DDAH1: variants seen among roughly 807,000 people sequenced by gnomAD.
DDAH1 encodes the protein N(G),N(G)-dimethylarginine dimethylaminohydrolase 1.
Under a neutral mutation model 28.8 loss-of-function variants are expected in DDAH1, and 19 were observed. The ratio of observed to expected loss-of-function variants is 0.66; its 90% CI spans 0.46 to 0.97. DDAH1 has a LOEUF of 0.97. DDAH1 is among the 50% of genes least tolerant of loss of function. DDAH1 has a pLI of 0.00. For missense variants in DDAH1, 326 were observed against 375.9 expected, an observed-to-expected ratio of 0.87 and a Z score of 1.10; for synonymous variants, 153 against 154.4, an observed-to-expected ratio of 0.99 and a Z score of 0.07.
At chr1:85,522,300 C>G (rs1657717881) in intron 1 of DDAH1, among the ~76,000 whole-genome samples, 1 of 50,652 alleles carries the variant, frequency 2.0e-5, no homozygotes. Context: ...GACCACAAAC[C>G]AATAAGAACA....
intron 4 of DDAH1, among the ~76,000 whole-genome samples, chr1:85,343,317 C>T (rs566174311): frequency 1.3e-5 from 2 of 152,236 alleles, no homozygotes; most frequent in South Asian, 4.1e-4. Flanking sequence ...TATTTATTGG[C>T]TTATTATGCC....
chr1:85,496,457 T>G (rs1201766908), intron 1 of DDAH1, among the ~76,000 whole-genome samples: 2 of 152,230 alleles, frequency 1.3e-5, no homozygotes, highest in Non-Finnish European at 2.9e-5. Flanking sequence ...AACTCACAAC[T>G]GAGTAAGTAA....
intron 1 of DDAH1, chr1:85,404,338 G>T: frequency 6.5e-7 from 1 of 1,527,458 alleles, no homozygotes; most frequent in Non-Finnish European, 8.8e-7. Flanking sequence ...AAGCCTGAAA[G>T]ACCACATTCT....
upstream of DDAH1, among the ~76,000 whole-genome samples, chr1:85,465,820 G>A (rs1288359758): frequency 6.6e-6 from 1 of 152,042 alleles, no homozygotes; most frequent in African/African-American, 2.4e-5. Context: ...AAAGTAACTA[G>A]TGATTTGGTT....
In DDAH1 at chr1:85,324,272, A is replaced by AAATAATAATAATAATAATAATAATAAT. The variant is rs71075831; in HGVS notation, c.741+441_741+467dup. On this transcript the variant is annotated intron_variant, in intron 5 of 5. Coordinates refer to ENST00000284031, the MANE Select transcript of DDAH1 (RefSeq NM_012137.4). ...GTAACAGAGTGAGACCCTGTCTCAAAAATAATAATAATAATAATAATAATA... is the reference window on the plus strand; with the variant it reads ...GTAACAGAGTGAGACCCTGTCTCAAAAATAATAATAATAATAATAATAATAATAATAATAATAATAATAATAATAATA... Among the ~76,000 whole-genome samples, 156 of 142,256 alleles carry AAATAATAATAATAATAATAATAATAAT rather than the reference A, an allele frequency of 1.1e-3. 1 individual carries two copies. Among genetic ancestry groups the AAATAATAATAATAATAATAATAATAAT allele is most frequent in the African/African-American group, 1.4e-3 (54 of 38,414 alleles). 93.3% of individuals were successfully genotyped at this position (142,256 alleles called of 152,430 possible). A position where few individuals can be genotyped will look rare whatever the true frequency, so the allele number is the denominator to read the frequency against.
intron 1 of DDAH1, among the ~76,000 whole-genome samples, chr1:85,526,090 T>A (rs1657861992): frequency 6.6e-6 from 1 of 152,134 alleles, no homozygotes; most frequent in Non-Finnish European, 1.5e-5. Context: ...GTTAAATGGA[T>A]CCAGAAAAAT....
chr1:85,576,677 C>G (rs372046772), intron 1 of DDAH1: 1 of 152,514 alleles, frequency 6.6e-6, no homozygotes, highest in South Asian at 2.1e-4. Flanking sequence ...TGGCACAGCA[C>G]GGCAACTCGC....
chr1:85,571,976 T>C (rs1189244477), intron 1 of DDAH1, among the ~76,000 whole-genome samples: 1 of 152,178 alleles, frequency 6.6e-6, no homozygotes, highest in Non-Finnish European at 1.5e-5. Flanking sequence ...CAGGGTGCGC[T>C]TGGCAGGGGC....
At chr1:85,466,492 A>G (rs1189679302), upstream of DDAH1, among the ~76,000 whole-genome samples, 3 of 152,094 alleles carry the variant, frequency 2.0e-5, no homozygotes, top group Non-Finnish European at 4.4e-5. Flanking sequence ...CAGGTGATCC[A>G]CCCGCCTCCA....
intron 1 of DDAH1, among the ~76,000 whole-genome samples, chr1:85,542,520 A>T (rs1658498640): frequency 6.6e-6 from 1 of 152,180 alleles, no homozygotes; most frequent in Admixed American, 6.6e-5. Flanking sequence ...AATTTCTAAA[A>T]ATTTCCCAAC....
upstream of DDAH1, chr1:85,467,773 T>C (rs560811416): frequency 2.6e-5 from 4 of 152,246 alleles, no homozygotes; most frequent in African/African-American, 4.8e-5. Context: ...TGAATATTTA[T>C]TGAAAATTCC....
intron 1 of DDAH1, among the ~76,000 whole-genome samples, chr1:85,397,019 A>G (rs1253535364): frequency 1.3e-5 from 2 of 148,648 alleles, no homozygotes; most frequent in East Asian, 4.0e-4. Flanking sequence ...GCTGGGTGAT[A>G]GTGTGAGACC....
At chr1:85,417,257 AGGACAGCCACCTCCTGGCAGGGCT>A (rs753344259) in intron 1 of DDAH1, among the ~76,000 whole-genome samples, 3 of 152,156 alleles carry the variant, frequency 2.0e-5, no homozygotes, top group Admixed American at 2.0e-4. Flanking sequence ...GCGCTGGTGA[AGGACAGCCACCTCCTGGCAGGGCT>A]GGATCAGTCT....
At chr1:85,503,935 C>T (rs574763139) in intron 1 of DDAH1, among the ~76,000 whole-genome samples, 3 of 152,170 alleles carry the variant, frequency 2.0e-5, no homozygotes, top group African/African-American at 4.8e-5. Context: ...ACAGGGGATG[C>T]GGTCAGACAG....
intron 3 of DDAH1, 99 bp from the exon 4 acceptor site, chr1:85,350,633 C>T: frequency 2.9e-6 from 4 of 1,371,630 alleles, no homozygotes; most frequent in Non-Finnish European, 3.9e-6. Context: ...TGAAGGCTGA[C>T]AGGGACCTTG....
chr1:85,497,871 T>A (rs895440862), intron 1 of DDAH1, among the ~76,000 whole-genome samples: 1 of 152,232 alleles, frequency 6.6e-6, no homozygotes, highest in Non-Finnish European at 1.5e-5. Context: ...CAAAGTTCTT[T>A]CTTCCCCCTG....
intron 1 of DDAH1, among the ~76,000 whole-genome samples, chr1:85,417,443 C>A (rs942935953): frequency 6.6e-6 from 1 of 152,164 alleles, no homozygotes; most frequent in Admixed American, 6.5e-5. Context: ...ATATCACCAC[C>A]CCCACACCCT....
At chr1:85,475,564 G>A (rs1447438776) in intron 2 of DDAH1, among the ~76,000 whole-genome samples, 1 of 152,098 alleles carries the variant, frequency 6.6e-6, no homozygotes, top group African/African-American at 2.4e-5. Context: ...AAATAATTCA[G>A]GTTACTTAAT....
intron 1 of DDAH1, among the ~76,000 whole-genome samples, chr1:85,389,028 A>G (rs553154378): frequency 4.1e-4 from 62 of 152,184 alleles, no homozygotes; most frequent in African/African-American, 1.3e-3. Flanking sequence ...CAGTTTCCTC[A>G]CCCATAAAAT....
Sources: allele counts gnomAD v4.1 joint callset (sites outside exome capture counted in the v4.1 genomes callset), GRCh38; gene constraint gnomAD v4.1.1; transcripts MANE v1.5; gene names NCBI Gene and HGNC (gene_info 2026-07-23, HGNC 2026-07-21).